The following ZNF385D variants were observed in gnomAD, a reference collection of about 807,000 sequenced individuals.
The protein encoded by ZNF385D is zinc finger protein 385D, also known as zinc finger protein 659.
A neutral mutation model predicts 35.8 loss-of-function variants in ZNF385D; 15 were observed. The ratio of observed to expected loss-of-function variants is 0.42; its 90% CI spans 0.28 to 0.64. The LOEUF (loss-of-function observed/expected upper bound fraction) is 0.64, where lower values mean the gene tolerates loss of function less well. ZNF385D is among the 30% of genes least tolerant of loss of function. The pLI, the probability that ZNF385D is intolerant of heterozygous loss-of-function variation, is 0.23. For missense variants in ZNF385D, 474 were observed against 494.6 expected (o/e 0.96, Z 0.39); for synonymous variants, 212 against 186.8 (o/e 1.13, Z -1.10).
chr3:22,228,769 AC>A lies in ZNF385D; in HGVS notation c.107-59735del, dbSNP rs1698714043. On this transcript the variant is annotated intron_variant, in intron 2 of 5. Coordinates refer to the ZNF385D transcript ENST00000494108. ...AAGCACAATCTAATCAGCTGCCAGC[AC>A]AGCTAGAATAAAAGCAGGCAGAAGA... Among the ~76,000 whole-genome samples the A allele has an allele frequency of 2.0e-5, 3 of 152,342 alleles. No homozygotes were observed. The East Asian group carries it at 5.8e-4, about 29-fold the overall frequency.
chr3:22,012,022 T>C (rs1391774154), intron 3 of ZNF385D, among the ~76,000 whole-genome samples: 3 of 152,170 alleles, frequency 2.0e-5, no homozygotes, highest in East Asian at 3.9e-4. Flanking sequence ...AATCAGTACA[T>C]GTGCATGATA....
intron 2 of ZNF385D, among the ~76,000 whole-genome samples, chr3:22,244,889 C>T (rs1389151620): frequency 1.4e-5 from 2 of 142,410 alleles, no homozygotes; most frequent in Non-Finnish European, 3.0e-5. Flanking sequence ...CAGAACATCA[C>T]TGCGTCTCCT....
Position 21,763,465 on chromosome 3 carries a change from C to G in ZNF385D, c.326-98437G>C, listed in dbSNP as rs2070705076. ...TAATTAATTTGAGGATGAACAAATACATCAGCTTTGAGAAACTTCCATAGT... is the reference window on the plus strand; with the variant it reads ...TAATTAATTTGAGGATGAACAAATAGATCAGCTTTGAGAAACTTCCATAGT... On this transcript the variant is annotated intron_variant, in intron 3 of 5. Transcript: ENST00000494108. Among the ~76,000 whole-genome samples, 3 of 151,704 alleles carry G rather than the reference C, an allele frequency of 2.0e-5. No individual in the cohort carries two copies. The South Asian group carries it at 6.2e-4, about 31-fold the overall frequency.
intron 2 of ZNF385D, among the ~76,000 whole-genome samples, chr3:22,262,632 G>A (rs977487938): frequency 1.3e-5 from 2 of 151,582 alleles, no homozygotes; most frequent in Non-Finnish European, 2.9e-5. Flanking sequence ...TCAGAGTCTC[G>A]ATTTAGAGTC....
rs2071015958 is a variant in ZNF385D, at chr3:21,770,184, C to T, written c.326-105156G>A. 3.3e-5 allele frequency among the ~76,000 whole-genome samples: 5 copies of T among 152,218 alleles called. No homozygotes were observed. The South Asian group carries it at 1.0e-3, about 32-fold the overall frequency. ...TTCAGGACATAGGCATGCGCAAGGA[C>T]TTCATGTCTAAAACACCAAAAGCAA... On this transcript the variant is annotated intron_variant, in intron 3 of 5. Coordinates refer to the ZNF385D transcript ENST00000494108.
intron 3 of ZNF385D, among the ~76,000 whole-genome samples, chr3:22,030,631 C>T (rs563703870): frequency 1.1e-4 from 16 of 152,024 alleles, no homozygotes; most frequent in African/African-American, 1.7e-4. Flanking sequence ...TCTCCCTTGA[C>T]ACATGAAGAT....
At chr3:22,358,114 G>A (rs1424901276) in intron 2 of ZNF385D, among the ~76,000 whole-genome samples, 2 of 151,874 alleles carry the variant, frequency 1.3e-5, no homozygotes, top group Non-Finnish European at 2.9e-5. Flanking sequence ...ACAGTCAGCA[G>A]TGTCAAATAT....
chr3:21,694,359 C>T (rs1246279713), intron 1 of ZNF385D, among the ~76,000 whole-genome samples: 1 of 151,970 alleles, frequency 6.6e-6, no homozygotes, highest in Non-Finnish European at 1.5e-5. Flanking sequence ...AGGAGTACCT[C>T]CTGATGCAAG....
chr3:22,323,909 T>C (rs1042768847), intron 2 of ZNF385D, among the ~76,000 whole-genome samples: 1 of 152,152 alleles, frequency 6.6e-6, no homozygotes, highest in Non-Finnish European at 1.5e-5. Context: ...ATACCCAAAT[T>C]TGTCAGGCTT....
chr3:21,799,966 T>C (rs1575671061), intron 3 of ZNF385D, among the ~76,000 whole-genome samples: 1 of 152,332 alleles, frequency 6.6e-6, no homozygotes, highest in South Asian at 2.1e-4. Context: ...TTTTTTCGCA[T>C]GTAGATACCC....
intron 3 of ZNF385D, among the ~76,000 whole-genome samples, chr3:22,026,870 C>A (rs1166009744): frequency 1.3e-5 from 2 of 152,166 alleles, no homozygotes; most frequent in Non-Finnish European, 2.9e-5. Context: ...TTTCATTTGG[C>A]CTGTGCAGAA....
intron 2 of ZNF385D, among the ~76,000 whole-genome samples, chr3:22,199,325 A>G (rs1333979152): frequency 6.6e-6 from 1 of 152,154 alleles, no homozygotes; most frequent in Non-Finnish European, 1.5e-5. Flanking sequence ...TAAAAATAAC[A>G]TGATTTGAAT....
At chr3:22,087,646 C>G (rs1286982067) in intron 3 of ZNF385D, among the ~76,000 whole-genome samples, 1 of 152,134 alleles carries the variant, frequency 6.6e-6, no homozygotes, top group East Asian at 1.9e-4. Context: ...CACACCATCT[C>G]AAGACTACCT....
intron 1 of ZNF385D, among the ~76,000 whole-genome samples, chr3:21,715,985 G>A (rs896680201): frequency 6.6e-5 from 10 of 152,160 alleles, no homozygotes; most frequent in Admixed American, 2.6e-4. Flanking sequence ...CTCAGGAAAC[G>A]GCAGCTTCAT....
At chr3:21,747,997 C>G (rs1330009626) in intron 1 of ZNF385D, among the ~76,000 whole-genome samples, 4 of 152,108 alleles carry the variant, frequency 2.6e-5, no homozygotes, top group African/African-American at 9.7e-5. Context: ...ATTTTCCCTG[C>G]TTCCTTCTCC....
At chr3:21,906,026 G>A (rs1057104210) in intron 3 of ZNF385D, among the ~76,000 whole-genome samples, 2 of 152,156 alleles carry the variant, frequency 1.3e-5, no homozygotes, top group Non-Finnish European at 2.9e-5. Context: ...TAAAAAGGAA[G>A]CAGTGCTGTA....
intron 3 of ZNF385D, among the ~76,000 whole-genome samples, chr3:22,038,404 C>G (rs1416861437): frequency 1.3e-5 from 2 of 152,048 alleles, no homozygotes; most frequent in Non-Finnish European, 2.9e-5. Context: ...TTTTTCTTGG[C>G]CTCAGTTACT....
At chr3:21,859,786 A>G (rs1696946721) in intron 3 of ZNF385D, among the ~76,000 whole-genome samples, 1 of 152,020 alleles carries the variant, frequency 6.6e-6, no homozygotes, top group Admixed American at 6.6e-5. Flanking sequence ...GCAAACAAAT[A>G]TTTTGGGAAA....
intron 3 of ZNF385D, among the ~76,000 whole-genome samples, chr3:22,151,480 T>C (rs144857298): frequency 6.6e-5 from 10 of 152,152 alleles, no homozygotes; most frequent in African/African-American, 1.4e-4. Flanking sequence ...TATGTGTACA[T>C]TGAAGTTCCA....
Sources: allele counts gnomAD v4.1 joint callset (sites outside exome capture counted in the v4.1 genomes callset), GRCh38; gene constraint gnomAD v4.1.1; transcripts MANE v1.5; gene names NCBI Gene and HGNC (gene_info 2026-07-23, HGNC 2026-07-21).